UGT2B4: variants seen among roughly 807,000 people sequenced by gnomAD.
The protein encoded by UGT2B4 is UDP glucuronosyltransferase family 2 member B4.
A neutral mutation model predicts 49.8 loss-of-function variants in UGT2B4; 49 were observed. The ratio of observed to expected loss-of-function variants is 0.98; its 90% CI spans 0.78 to 1.25. The LOEUF (loss-of-function observed/expected upper bound fraction) is 1.25, where lower values mean the gene tolerates loss of function less well. Among genes scored for constraint, UGT2B4 ranks in the 50% most tolerant of loss-of-function variants. The probability of loss-of-function intolerance (pLI) is 0.00; values close to 1 mark genes in which losing one functional copy is unlikely to be tolerated. For missense variants in UGT2B4, 729 were observed against 627.7 expected (o/e 1.16, Z -1.73); for synonymous variants, 246 against 217.7 (o/e 1.13, Z -1.14).
chr4:69,495,252 G>T lies in UGT2B4; in HGVS notation c.610C>A (p.Gln204Lys). The change falls in exon 1 of 6, where the codon CAA (glutamine) becomes AAA (lysine). Residue 204 changes from glutamine to lysine, a missense_variant. By Grantham distance (53) the Gln-to-Lys change is moderately conservative. Coordinates refer to ENST00000305107, the MANE Select transcript of UGT2B4 (RefSeq NM_021139.3). Reference sequence around the variant, plus strand: ...TTTACCCTCTCTATGAAAGTCATTTGGTCACTTAGTTCTGACATAACAACA... The same window carrying T: ...TTTACCCTCTCTATGAAAGTCATTTTGTCACTTAGTTCTGACATAACAACA... ...VPVVMSELSD[Q>K]MTFIERVKNM... 2 of 1,612,682 alleles carry T rather than the reference G, an allele frequency of 1.2e-6. No individual in the cohort carries two copies. The highest frequency in any genetic ancestry group is 1.7e-6 in the Non-Finnish European group (2 of 1,179,584).
intron 1 of UGT2B4, among the ~76,000 whole-genome samples, chr4:69,509,038 G>A (rs1438506550): frequency 6.6e-6 from 1 of 152,034 alleles, no homozygotes; most frequent in Non-Finnish European, 1.5e-5. Flanking sequence ...CTATGAGTTT[G>A]ACTGGTTTAG....
intron 1 of UGT2B4, among the ~76,000 whole-genome samples, chr4:69,494,151 C>A (rs1175726210): frequency 6.6e-6 from 1 of 152,042 alleles, no homozygotes; most frequent in Non-Finnish European, 1.5e-5. Context: ...ATTTTGTAAA[C>A]CTTCGATAGT....
At chr4:69,521,280 G>T (rs910920905) in intron 1 of UGT2B4, among the ~76,000 whole-genome samples, 1 of 152,142 alleles carries the variant, frequency 6.6e-6, no homozygotes, top group Admixed American at 6.5e-5. Context: ...TTGTCATATT[G>T]CAGGTGACAA....
Position 69,495,638 on chromosome 4 carries a change from T to G in UGT2B4, c.224A>C (p.Glu75Ala). Residue 75 changes from glutamate to alanine, a missense_variant, in exon 1 of 6, where the codon GAA becomes GCA. Glu to Ala is a moderately radical substitution (Grantham distance 107). Transcript: ENST00000305107. ...TTTAGTTAAAGATACAGGATAAACT[T>G]CAAATTTAAGAGTAGATGGGCTGTT... ...DPNSPSTLKFEVYPVSLTKTE... is the reference protein window; with the variant it reads ...DPNSPSTLKFAVYPVSLTKTE... The G allele has an allele frequency of 6.2e-7, 1 of 1,613,938 alleles. No homozygotes were observed.
rs2109812793 is a variant in UGT2B4, at chr4:69,493,699, T to C, written c.864A>G (p.Leu288=). Residue 288 remains leucine (L), a synonymous_variant, in exon 2 of 6, where the codon CTA becomes CTG. Coordinates refer to ENST00000305107, the MANE Select transcript of UGT2B4 (RefSeq NM_021139.3). The part of the protein sequence containing the change: ...GGLHCKPAKP[L]PKEMEEFVQS... ...ACAAACAGTAATAGTTTACCTTCGGTAGGGGTTTGGCAGGTTTGCAGTGGA... is the reference window on the plus strand; with the variant it reads ...ACAAACAGTAATAGTTTACCTTCGGCAGGGGTTTGGCAGGTTTGCAGTGGA... The C allele has an allele frequency of 6.2e-7, 1 of 1,605,618 alleles. No individual in the cohort carries two copies. The highest frequency in any genetic ancestry group is 1.1e-5 in the South Asian group (1 of 88,992).
chr4:69,485,286 G>T lies in UGT2B4; in HGVS notation c.1232C>A (p.Ala411Glu), dbSNP rs766278902. Residue 411 changes from alanine to glutamate, a missense_variant, in exon 5 of 6, where the codon GCA becomes GAA. Transcript: ENST00000305107. Reference sequence around the variant, plus strand: ...TGTGTGGAAGTCCAAACTAACAGCTGCTCCCTTGGCCTTCATGTGTGCAAT... The same window carrying T: ...TGTGTGGAAGTCCAAACTAACAGCTTCTCCCTTGGCCTTCATGTGTGCAAT... ...DNIAHMKAKG[A>E]AVSLDFHTMS... 5 of 1,613,858 alleles carry T rather than the reference G, an allele frequency of 3.1e-6. No homozygotes were observed. The highest frequency in any genetic ancestry group is 3.3e-5 in the Admixed American group (2 of 59,966).
At chr4:69,516,571 C>T (rs970049763) in intron 1 of UGT2B4, among the ~76,000 whole-genome samples, 7 of 152,032 alleles carry the variant, frequency 4.6e-5, no homozygotes, top group Admixed American at 2.6e-4. Flanking sequence ...ATTTTCATTT[C>T]TGTAATGATC....
intron 2 of UGT2B4, among the ~76,000 whole-genome samples, chr4:69,492,186 TC>T (rs1263917577): frequency 2.6e-5 from 4 of 152,066 alleles, no homozygotes; most frequent in Admixed American, 2.6e-4. Flanking sequence ...TGCTTCTCTC[TC>T]AGGCACTTAT....
At chr4:69,512,237 A>T (rs1031253800) in intron 1 of UGT2B4, among the ~76,000 whole-genome samples, 1 of 151,710 alleles carries the variant, frequency 6.6e-6, no homozygotes, top group Non-Finnish European at 1.5e-5. Flanking sequence ...TAGCCTGATA[A>T]TTTGGATATC....
At chr4:69,502,125 C>CTT (rs1207661968) in intron 1 of UGT2B4, among the ~76,000 whole-genome samples, 1 of 131,346 alleles carries the variant, frequency 7.6e-6, no homozygotes, top group African/African-American at 3.0e-5. Flanking sequence ...TTCTTTCTTT[C>CTT]TTTCTTTCTT....
At chr4:69,511,615 C>T (rs994456484) in intron 1 of UGT2B4, among the ~76,000 whole-genome samples, 1 of 151,820 alleles carries the variant, frequency 6.6e-6, no homozygotes, top group Non-Finnish European at 1.5e-5. Context: ...TTTTTATCTT[C>T]TTCTTCTCAT....
chr4:69,487,220 C>A (rs944128698), intron 3 of UGT2B4, among the ~76,000 whole-genome samples: 1 of 152,118 alleles, frequency 6.6e-6, no homozygotes, highest in Non-Finnish European at 1.5e-5. Flanking sequence ...CCCAGCAATC[C>A]CATTACTGGG....
chr4:69,486,615 G>A lies in UGT2B4; in HGVS notation c.1084C>T (p.Leu362Phe), dbSNP rs763971113. 5 of 1,592,196 alleles carry A rather than the reference G, an allele frequency of 3.1e-6. No individual in the cohort carries two copies. The African/African-American group carries it at 4.1e-5, about 13-fold the overall frequency. The change falls in exon 4 of 6, where the codon CTT (leucine) becomes TTT (phenylalanine). Residue 362 changes from leucine (L) to phenylalanine (F), a missense_variant. Coordinates refer to ENST00000305107, the MANE Select transcript of UGT2B4 (RefSeq NM_021139.3). ...TTGTTCTTCAGAGACTTACCAAGAA[G>A]ATCATTCTGGGGTATCCACTTGTAC... Reference protein sequence around the residue: ...RLYKWIPQNDLLGHPKTRAFI... With the variant: ...RLYKWIPQNDFLGHPKTRAFI...
At position 69,488,410 on chromosome 4, in the gene UGT2B4, A is replaced by AT. The variant is rs565103600; in HGVS notation, c.1002+1028_1002+1029insA. Among the ~76,000 whole-genome samples, 340 of 152,246 alleles carry AT rather than the reference A, an allele frequency of 2.2e-3. 2 individuals are homozygous for AT. The highest frequency in any genetic ancestry group is 3.6e-3 in the Non-Finnish European group (246 of 68,008). On this transcript the variant is annotated intron_variant, in intron 3 of 5. Coordinates refer to ENST00000305107, the MANE Select transcript of UGT2B4 (RefSeq NM_021139.3). ...CAAGGAATCCTTATAAATTAAAAAA[A>AT]AATAATTTACGGTGTTTAAGTTCTA...
At chr4:69,514,687 T>C (rs1476005031) in intron 1 of UGT2B4, among the ~76,000 whole-genome samples, 2 of 152,190 alleles carry the variant, frequency 1.3e-5, no homozygotes, top group Admixed American at 6.5e-5. Context: ...TGAAATTTAG[T>C]AAAGGCCTTT....
At chr4:69,520,359 T>G (rs1046029713) in intron 1 of UGT2B4, among the ~76,000 whole-genome samples, 1 of 152,238 alleles carries the variant, frequency 6.6e-6, no homozygotes, top group Non-Finnish European at 1.5e-5. Flanking sequence ...TGAGGCTGCA[T>G]GCTCCACGGA....
At chr4:69,496,720 T>C (rs116159379), upstream of UGT2B4, among the ~76,000 whole-genome samples, 646 of 152,318 alleles carry the variant, frequency 4.2e-3, 6 homozygotes, top group African/African-American at 0.013. Context: ...GCTACTTGAA[T>C]TTCTGTCTCT....
At chr4:69,521,556 G>A (rs1728849990) in intron 1 of UGT2B4, among the ~76,000 whole-genome samples, 1 of 152,240 alleles carries the variant, frequency 6.6e-6, no homozygotes, top group Non-Finnish European at 1.5e-5. Context: ...GCTGTGCACA[G>A]TGGCTGGACC....
upstream of UGT2B4, among the ~76,000 whole-genome samples, chr4:69,497,502 A>G (rs1297231569): frequency 6.6e-6 from 1 of 152,204 alleles, no homozygotes; most frequent in Non-Finnish European, 1.5e-5. Flanking sequence ...GGGCATATGA[A>G]CCTGTTGGCC....
Sources: gnomAD v4.1 joint callset for allele counts (sites outside exome capture counted in the v4.1 genomes callset) on GRCh38, gnomAD v4.1.1 for gene constraint, MANE v1.5 for transcripts, NCBI Gene and HGNC (gene_info 2026-07-23, HGNC 2026-07-21) for gene names.